GLIS3: variants seen among roughly 807,000 people sequenced by gnomAD.
The protein encoded by GLIS3 is GLIS family zinc finger 3, also known as zinc finger protein GLIS3.
A neutral mutation model predicts 78.6 loss-of-function variants in GLIS3; 53 were observed. That is an observed-to-expected ratio of 0.67 (90% confidence interval 0.54 to 0.85). The LOEUF is 0.85. Ranked by LOEUF, GLIS3 falls within the 40% of genes least tolerant of loss-of-function variation. The pLI is 0.00. For synonymous variants in GLIS3, 684 were observed against 509.9 expected, an observed-to-expected ratio of 1.34 and a Z score of -4.60; for missense variants, 1,703 against 1,231.1, an observed-to-expected ratio of 1.38 and a Z score of -5.74.
intron 2 of GLIS3, among the ~76,000 whole-genome samples, chr9:4,334,465 A>T (rs1344605548): frequency 1.3e-5 from 2 of 152,316 alleles, no homozygotes; most frequent in South Asian, 4.1e-4. Flanking sequence ...AAACAATTGT[A>T]GTGCAAATGC....
At chr9:3,987,761 CAAAAAAAAAAA>C (rs60986898) in intron 4 of GLIS3, among the ~76,000 whole-genome samples, 6 of 10,474 alleles carry the variant, frequency 5.7e-4, no homozygotes, top group South Asian at 5.3e-3. Flanking sequence ...CTGGATTTGG[CAAAAAAAAAAA>C]AAAAAAAAAA....
chr9:4,434,647 G>C, the GLIS3 span, among the ~76,000 whole-genome samples: 1 of 152,158 alleles, frequency 6.6e-6, no homozygotes, highest in Non-Finnish European at 1.5e-5. Flanking sequence ...TTCTCTAGAG[G>C]TGTGTATTTT....
the GLIS3 span, among the ~76,000 whole-genome samples, chr9:4,479,999 C>A: frequency 8.0e-3 from 1,205 of 150,550 alleles, 14 homozygotes; most frequent in African/African-American, 0.028. Flanking sequence ...AGGTGATCCG[C>A]CCACCTTGGC....
At chr9:4,196,571 C>G (rs773525333) in intron 2 of GLIS3, among the ~76,000 whole-genome samples, 1 of 152,164 alleles carries the variant, frequency 6.6e-6, no homozygotes, top group Non-Finnish European at 1.5e-5. Flanking sequence ...ATGAACAACT[C>G]CAGACGCGCT....
chr9:4,120,214 T>C (rs1323799305), intron 3 of GLIS3, among the ~76,000 whole-genome samples: 1 of 152,200 alleles, frequency 6.6e-6, no homozygotes, highest in Non-Finnish European at 1.5e-5. Flanking sequence ...TTTCACAAAA[T>C]GGAGGCCACA....
chr9:4,359,301 G>C, the GLIS3 span, among the ~76,000 whole-genome samples: 1,766 of 152,070 alleles, frequency 0.012, 15 homozygotes, highest in Non-Finnish European at 0.019. Flanking sequence ...TGGCTCATCA[G>C]ATCTTTTCTC....
At chr9:3,895,267 T>C (rs1409829522) in intron 7 of GLIS3, among the ~76,000 whole-genome samples, 1 of 152,236 alleles carries the variant, frequency 6.6e-6, no homozygotes, top group Non-Finnish European at 1.5e-5. Flanking sequence ...GACTATCAGA[T>C]AAATCATCTA....
chr9:4,011,389 C>T (rs1821994376), intron 4 of GLIS3, among the ~76,000 whole-genome samples: 1 of 152,174 alleles, frequency 6.6e-6, no homozygotes, highest in African/African-American at 2.4e-5. Flanking sequence ...GACCAGAAGA[C>T]AAAGAGAACA....
At chr9:4,110,379 T>C (rs761007158) in intron 4 of GLIS3, among the ~76,000 whole-genome samples, 2 of 152,218 alleles carry the variant, frequency 1.3e-5, no homozygotes, top group East Asian at 3.8e-4. Flanking sequence ...GGTTATATCA[T>C]GTTCCAATTT....
At chr9:4,161,454 G>A (rs915831595) in intron 2 of GLIS3, among the ~76,000 whole-genome samples, 1 of 152,002 alleles carries the variant, frequency 6.6e-6, no homozygotes, top group Non-Finnish European at 1.5e-5. Flanking sequence ...CAAATAAAGG[G>A]TTTCAAAAAC....
At chr9:4,140,015 C>T (rs1383159064) in intron 2 of GLIS3, among the ~76,000 whole-genome samples, 4 of 152,112 alleles carry the variant, frequency 2.6e-5, no homozygotes, top group Admixed American at 1.3e-4. Flanking sequence ...GAGGCAAAAT[C>T]GCAGCCAATT....
chr9:4,211,584 A>C (rs1190032695), intron 2 of GLIS3, among the ~76,000 whole-genome samples: 4 of 152,246 alleles, frequency 2.6e-5, no homozygotes. Flanking sequence ...GCAGACATGT[A>C]AAATGGTGAA....
At chr9:4,202,310 C>G (rs1402570330) in intron 2 of GLIS3, among the ~76,000 whole-genome samples, 4 of 151,450 alleles carry the variant, frequency 2.6e-5, no homozygotes, top group African/African-American at 9.7e-5. Context: ...GCCACCATGC[C>G]TGGCTAATTT....
intron 4 of GLIS3, among the ~76,000 whole-genome samples, chr9:3,999,686 G>A (rs1022925939): frequency 3.3e-5 from 5 of 152,194 alleles, no homozygotes; most frequent in Non-Finnish European, 5.9e-5. Flanking sequence ...ACATGTTAAT[G>A]ATTCTATAAT....
chr9:4,039,173 T>C (rs1324405670), intron 4 of GLIS3, among the ~76,000 whole-genome samples: 1 of 152,206 alleles, frequency 6.6e-6, no homozygotes, highest in Non-Finnish European at 1.5e-5. Flanking sequence ...ACCCATTTCA[T>C]ATGGAATTTA....
chr9:3,994,862 C>T (rs1820616079), intron 4 of GLIS3, among the ~76,000 whole-genome samples: 1 of 152,118 alleles, frequency 6.6e-6, no homozygotes, highest in Non-Finnish European at 1.5e-5. Context: ...TAATGCATGG[C>T]TGCCCTACAG....
chr9:4,256,720 A>G (rs1824976724), intron 2 of GLIS3, among the ~76,000 whole-genome samples: 1 of 152,250 alleles, frequency 6.6e-6, no homozygotes, highest in African/African-American at 2.4e-5. Context: ...CTGTTTATCA[A>G]TAGGAGAATG....
At chr9:4,471,168 T>C in the GLIS3 span, among the ~76,000 whole-genome samples, 2 of 152,122 alleles carry the variant, frequency 1.3e-5, no homozygotes, top group Non-Finnish European at 2.9e-5. Flanking sequence ...ATTGTGAAAA[T>C]GGCCATACTA....
intron 2 of GLIS3, among the ~76,000 whole-genome samples, chr9:4,128,224 A>T (rs1373542749): frequency 6.6e-6 from 1 of 152,138 alleles, no homozygotes; most frequent in Non-Finnish European, 1.5e-5. Context: ...TGCAAGGGTC[A>T]CCTCCTATAT....
Sources: allele counts gnomAD v4.1 joint callset (sites outside exome capture counted in the v4.1 genomes callset), GRCh38; gene constraint gnomAD v4.1.1; transcripts MANE v1.5; gene names NCBI Gene and HGNC (gene_info 2026-07-23, HGNC 2026-07-21).